APBB1IP: variants seen among roughly 807,000 people sequenced by gnomAD.
APBB1IP encodes amyloid beta precursor protein binding family B member 1 interacting protein.
A neutral mutation model predicts 64.9 loss-of-function variants in APBB1IP; 27 were observed. The observed-to-expected ratio is 0.42, with a 90% confidence interval of 0.31 to 0.57. The LOEUF is 0.57. Ranked by LOEUF, APBB1IP falls within the 20% of genes least tolerant of loss-of-function variation. APBB1IP has a pLI of 0.20. For synonymous variants in APBB1IP, 392 were observed against 331.0 expected (o/e 1.18, Z -2.00); for missense variants, 812 against 845.5 (o/e 0.96, Z 0.49).
intron 11 of APBB1IP, among the ~76,000 whole-genome samples, chr10:26,547,598 C>T (rs1413967100): frequency 2.0e-5 from 3 of 152,118 alleles, no homozygotes; most frequent in Non-Finnish European, 4.4e-5. Context: ...CGCGCCACCA[C>T]TCCCAGCTAA....
chr10:26,488,043 A>G (rs751832146), intron 2 of APBB1IP, among the ~76,000 whole-genome samples: 7 of 152,240 alleles, frequency 4.6e-5, no homozygotes, highest in Non-Finnish European at 8.8e-5. Flanking sequence ...ATTTTCTCAC[A>G]CTATTGTACT....
chr10:26,512,909 C>A (rs750097401), intron 7 of APBB1IP, among the ~76,000 whole-genome samples: 6 of 152,070 alleles, frequency 3.9e-5, no homozygotes, highest in African/African-American at 1.2e-4. Context: ...CTCTTCAATT[C>A]TGTGAGTCAA....
chr10:26,495,612 T>TAAA (rs112502113), intron 3 of APBB1IP, among the ~76,000 whole-genome samples: 55 of 139,540 alleles, frequency 3.9e-4, no homozygotes, highest in Admixed American at 1.2e-3. Flanking sequence ...TCATTTTTGT[T>TAAA]AAAAAAAAAA....
At chr10:26,464,374 G>A (rs528557791) in intron 2 of APBB1IP, among the ~76,000 whole-genome samples, 127 of 152,248 alleles carry the variant, frequency 8.3e-4, no homozygotes, top group African/African-American at 2.7e-3. Context: ...AGGCCTGACT[G>A]TGCTCATTTA....
At chr10:26,491,646 A>C (rs988567853) in intron 2 of APBB1IP, among the ~76,000 whole-genome samples, 1 of 152,196 alleles carries the variant, frequency 6.6e-6, no homozygotes, top group South Asian at 2.1e-4. Context: ...GGGTTTGTCC[A>C]CCAGTACTTC....
At chr10:26,562,235 G>T (rs1192536640) in intron 13 of APBB1IP, 91 bp from the exon 14 acceptor site, 4 of 937,790 alleles carry the variant, frequency 4.3e-6, no homozygotes, top group African/African-American at 3.3e-5. Flanking sequence ...CTTTGCTTTA[G>T]AGATGCAAAC....
chr10:26,517,387 C>T (rs1271189582), intron 8 of APBB1IP, among the ~76,000 whole-genome samples: 4 of 152,236 alleles, frequency 2.6e-5, no homozygotes, highest in Non-Finnish European at 4.4e-5. Flanking sequence ...TAGCCTCTAT[C>T]TCCTTAGCAT....
At chr10:26,443,946 T>C (rs1835364591) in intron 2 of APBB1IP, among the ~76,000 whole-genome samples, 1 of 152,166 alleles carries the variant, frequency 6.6e-6, no homozygotes. Flanking sequence ...ATCCCTGCAT[T>C]TGTGGAGTTT....
chr10:26,519,673 G>A (rs558079068), intron 8 of APBB1IP, among the ~76,000 whole-genome samples: 8 of 152,268 alleles, frequency 5.3e-5, no homozygotes, highest in African/African-American at 1.9e-4. Flanking sequence ...TTCTCCTCAT[G>A]AATTATTTTG....
chr10:26,517,570 G>A (rs1228755764), intron 8 of APBB1IP, among the ~76,000 whole-genome samples: 1 of 152,218 alleles, frequency 6.6e-6, no homozygotes, highest in African/African-American at 2.4e-5. Flanking sequence ...CACCAGAGTA[G>A]CCGGAAACAC....
intron 2 of APBB1IP, among the ~76,000 whole-genome samples, chr10:26,481,674 G>A (rs1445626745): frequency 6.6e-6 from 1 of 152,006 alleles, no homozygotes; most frequent in African/African-American, 2.4e-5. Context: ...AGGGGATAGA[G>A]ATGGGGTCTT....
chr10:26,464,957 A>T (rs1311559780), intron 2 of APBB1IP, among the ~76,000 whole-genome samples: 1 of 152,232 alleles, frequency 6.6e-6, no homozygotes, highest in Non-Finnish European at 1.5e-5. Context: ...TTGATATATG[A>T]ATTAAATAGA....
intron 2 of APBB1IP, among the ~76,000 whole-genome samples, chr10:26,466,761 C>A (rs1278946916): frequency 6.6e-6 from 1 of 151,896 alleles, no homozygotes; most frequent in East Asian, 1.9e-4. Flanking sequence ...CGTAGTGAGA[C>A]CTCGTCCCTA....
In APBB1IP at chr10:26,567,350, C is replaced by G. The variant is rs781188340; in HGVS notation, c.1863C>G (p.Pro621=). The change falls in exon 15 of 15, where the codon CCC becomes CCG. Residue 621 remains proline (P), a synonymous_variant. Coordinates refer to ENST00000376236, the MANE Select transcript of APBB1IP (RefSeq NM_019043.4). Reference sequence around the variant, plus strand: ...TCCCCGACTCCGCCAGGCCGCCCCCCGCGGTGGCCAAGAGGCCTCCTGTGC... The same window carrying G: ...TCCCCGACTCCGCCAGGCCGCCCCCGGCGGTGGCCAAGAGGCCTCCTGTGC... The part of the protein sequence containing the change: ...APVPDSARPP[P]AVAKRPPVPP... The G allele has an allele frequency of 6.8e-7, 1 of 1,464,958 alleles. No individual in the cohort carries two copies. The highest frequency in any genetic ancestry group is 1.2e-5 in the South Asian group (1 of 82,036). 90.7% of individuals were successfully genotyped at this position (1,464,958 alleles called of 1,614,324 possible).
At chr10:26,533,616 A>G in intron 9 of APBB1IP, 91 bp downstream of exon 9, 1 of 725,630 alleles carries the variant, frequency 1.4e-6, no homozygotes. Flanking sequence ...AAAAATCTAA[A>G]GACATACACT....
chr10:26,492,047 C>T (rs1378643789), intron 2 of APBB1IP, among the ~76,000 whole-genome samples: 1 of 152,154 alleles, frequency 6.6e-6, no homozygotes, highest in Non-Finnish European at 1.5e-5. Flanking sequence ...CAGGCGTGAT[C>T]CAGCCTGTTT....
rs201972952 is a variant in APBB1IP at position 26,523,049 on chromosome 10, G to A, written c.813+9389G>A. 1.7e-4 allele frequency among the ~76,000 whole-genome samples: 26 copies of A among 149,960 alleles called. No individual in the cohort carries two copies. The East Asian group carries it at 4.3e-3, about 25-fold the overall frequency. On this transcript the variant is annotated intron_variant, in intron 8 of 14. Coordinates refer to ENST00000376236, the MANE Select transcript of APBB1IP (RefSeq NM_019043.4). ...AAAAAAAAACCAAGAAAAAAACAATGGGGAGGGGACATCTCTTAATGTTAG... is the reference window on the plus strand; with the variant it reads ...AAAAAAAAACCAAGAAAAAAACAATAGGGAGGGGACATCTCTTAATGTTAG...
At chr10:26,517,197 G>A (rs1477333802) in intron 8 of APBB1IP, among the ~76,000 whole-genome samples, 1 of 152,188 alleles carries the variant, frequency 6.6e-6, no homozygotes, top group Non-Finnish European at 1.5e-5. Context: ...TCTGCAGTTT[G>A]CCATGGTAAC....
chr10:26,564,545 G>C (rs1190289942), intron 14 of APBB1IP, among the ~76,000 whole-genome samples: 2 of 152,218 alleles, frequency 1.3e-5, no homozygotes, highest in African/African-American at 4.8e-5. Flanking sequence ...GCTCACGCCT[G>C]TAATTCCAAC....
Sources: allele counts gnomAD v4.1 joint callset (sites outside exome capture counted in the v4.1 genomes callset), GRCh38; gene constraint gnomAD v4.1.1; transcripts MANE v1.5; gene names NCBI Gene and HGNC (gene_info 2026-07-23, HGNC 2026-07-21).